The following DIAPH3 variants were observed in gnomAD, a reference collection of about 807,000 sequenced individuals.
The protein encoded by DIAPH3 is diaphanous related formin 3.
Under a neutral mutation model 144.3 loss-of-function variants are expected in DIAPH3, and 117 were observed. That is an observed-to-expected ratio of 0.81 (90% CI 0.70 to 0.95). The LOEUF is 0.95. Among genes scored for constraint, DIAPH3 ranks in the 40% least tolerant of loss-of-function variants. DIAPH3 has a pLI of 0.00. For synonymous variants in DIAPH3, 519 were observed against 488.9 expected (o/e 1.06, Z -0.81); for missense variants, 1,421 against 1,412.7 (o/e 1.01, Z -0.09).
At chr13:60,014,178 A>T (rs2053473594) in intron 7 of DIAPH3, among the ~76,000 whole-genome samples, 1 of 152,134 alleles carries the variant, frequency 6.6e-6, no homozygotes, top group African/African-American at 2.4e-5. Flanking sequence ...AAAAGTTCCT[A>T]GATTTTTTCT....
chr13:59,830,597 TTCTC>T (rs1292443267), intron 24 of DIAPH3, among the ~76,000 whole-genome samples: 1 of 151,698 alleles, frequency 6.6e-6, no homozygotes, highest in Non-Finnish European at 1.5e-5. Flanking sequence ...TTCAAACACT[TTCTC>T]TCTCTGCCCA....
rs34356415 is a variant in DIAPH3 at position 60,119,746 on chromosome 13, CAAAAAA to C, written c.214-7566_214-7561del. ...TGGGCGACAGAGCGAGACTCCGTCT[CAAAAAA>C]AAAAAAAAAAAAAAAAAAAGAAATG... On this transcript the variant is annotated intron_variant, in intron 2 of 27. Coordinates refer to ENST00000400324, the MANE Select transcript of DIAPH3 (RefSeq NM_001042517.2). Among the ~76,000 whole-genome samples, 63 of 49,542 alleles carry C rather than the reference CAAAAAA, an allele frequency of 1.3e-3. No individual in the cohort carries two copies. In the East Asian group the frequency reaches 0.015, roughly 12 times the overall value. The allele number at this position is 49,542 out of a possible 152,430, so 32.5% of individuals were successfully genotyped here.
Position 59,983,849 on chromosome 13 carries a change from T to C in DIAPH3, c.1400A>G (p.Gln467Arg). 6.2e-7 allele frequency: 1 copy of C among 1,609,656 alleles called. No individual in the cohort carries two copies. The highest frequency in any genetic ancestry group is 8.5e-7 in the Non-Finnish European group (1 of 1,176,898). The change falls in exon 13 of 28, where the codon CAG (glutamine) becomes CGG (arginine). Residue 467 changes from glutamine to arginine, a missense_variant. Gln to Arg is a conservative substitution (Grantham distance 43, BLOSUM62 1). Transcript: ENST00000400324. ...YFKLIDECVS[Q>R]IVLHRDGMDP... ...CATTCCATCTCTATGCAATACAATCTGGGATACACACTCATCAATTAATTT... is the reference window on the plus strand; with the variant it reads ...CATTCCATCTCTATGCAATACAATCCGGGATACACACTCATCAATTAATTT...
intron 18 of DIAPH3, among the ~76,000 whole-genome samples, chr13:59,923,495 G>T (rs2047611705): frequency 6.6e-6 from 1 of 152,096 alleles, no homozygotes; most frequent in African/African-American, 2.4e-5. Context: ...TTCTCATGAA[G>T]ACCATATGTT....
intron 27 of DIAPH3, among the ~76,000 whole-genome samples, chr13:59,669,919 T>C (rs781124343): frequency 6.6e-6 from 1 of 152,232 alleles, no homozygotes; most frequent in African/African-American, 2.4e-5. Flanking sequence ...AGGTCGCTAA[T>C]GAACATGCAT....
intron 27 of DIAPH3, among the ~76,000 whole-genome samples, chr13:59,761,829 T>C (rs938283315): frequency 2.0e-5 from 3 of 151,946 alleles, no homozygotes; most frequent in Non-Finnish European, 4.4e-5. Context: ...GTACAACCAG[T>C]GTATTTTAGG....
At chr13:60,000,893 C>T (rs1179709848) in intron 9 of DIAPH3, among the ~76,000 whole-genome samples, 2 of 152,178 alleles carry the variant, frequency 1.3e-5, no homozygotes, top group African/African-American at 2.4e-5. Context: ...ATTCAATCTA[C>T]ATCCAAGATA....
chr13:59,677,542 AG>A (rs1321281276), intron 27 of DIAPH3, among the ~76,000 whole-genome samples: 4 of 152,144 alleles, frequency 2.6e-5, no homozygotes, highest in African/African-American at 7.2e-5. Context: ...TTTTGTACTA[AG>A]CCTTCAAAAT....
At chr13:60,021,666 CAAA>C (rs55896515) in intron 5 of DIAPH3, among the ~76,000 whole-genome samples, 3 of 81,406 alleles carry the variant, frequency 3.7e-5, no homozygotes, top group African/African-American at 4.5e-5. Context: ...GGCTCTGTCT[CAAA>C]AAAAAAAAAA....
chr13:59,879,142 TA>T (rs1312160945), intron 21 of DIAPH3, 86 bp downstream of exon 21: 7 of 1,569,512 alleles, frequency 4.5e-6, no homozygotes, highest in East Asian at 2.3e-5. Context: ...CACATCAAAA[TA>T]AAAAAATATT....
chr13:59,685,821 T>C (rs1007903400), intron 27 of DIAPH3, among the ~76,000 whole-genome samples: 9 of 152,072 alleles, frequency 5.9e-5, no homozygotes, highest in African/African-American at 2.2e-4. Flanking sequence ...GTAGTAACAG[T>C]TGGAGTAAGA....
chr13:59,787,761 A>C (rs983125757), intron 25 of DIAPH3, among the ~76,000 whole-genome samples: 2 of 152,144 alleles, frequency 1.3e-5, no homozygotes, highest in African/African-American at 4.8e-5. Context: ...GTTCCCCCCC[A>C]ACCCCAAATT....
chr13:60,059,371 A>G (rs977705076), intron 4 of DIAPH3, among the ~76,000 whole-genome samples: 2 of 152,002 alleles, frequency 1.3e-5, no homozygotes, highest in African/African-American at 4.8e-5. Context: ...TACTGTATGA[A>G]CGTAATCTTA....
intron 1 of DIAPH3, among the ~76,000 whole-genome samples, chr13:60,137,163 AG>A (rs1256219678): frequency 5.3e-5 from 8 of 152,214 alleles, no homozygotes; most frequent in African/African-American, 1.7e-4. Context: ...GACAGTTCCT[AG>A]GATGAATGGT....
intron 18 of DIAPH3, among the ~76,000 whole-genome samples, chr13:59,917,550 C>G (rs943061917): frequency 2.6e-5 from 4 of 151,958 alleles, no homozygotes; most frequent in African/African-American, 9.7e-5. Flanking sequence ...TGTCTATAAT[C>G]CTTAATATCC....
chr13:59,871,376 T>A (rs2044267846), intron 21 of DIAPH3, among the ~76,000 whole-genome samples: 1 of 152,102 alleles, frequency 6.6e-6, no homozygotes, highest in Non-Finnish European at 1.5e-5. Flanking sequence ...TGCTTCCAGT[T>A]TTAGGGAAAA....
intron 3 of DIAPH3, among the ~76,000 whole-genome samples, chr13:60,107,044 A>G (rs532937066): frequency 1.3e-4 from 20 of 152,264 alleles, no homozygotes; most frequent in African/African-American, 4.6e-4. Flanking sequence ...GGATATTGGT[A>G]CTATTGGTAA....
intron 20 of DIAPH3, among the ~76,000 whole-genome samples, chr13:59,903,855 A>G (rs575364935): frequency 2.1e-4 from 32 of 152,308 alleles, no homozygotes; most frequent in Admixed American, 3.9e-4. Flanking sequence ...TGTATATGTT[A>G]TGTGGCACTA....
chr13:59,846,589 T>C (rs1280528017), intron 22 of DIAPH3, among the ~76,000 whole-genome samples: 1 of 151,984 alleles, frequency 6.6e-6, no homozygotes, highest in Non-Finnish European at 1.5e-5. Flanking sequence ...ATGGACAAGG[T>C]GGTCCAAAAC....
Sources: gnomAD v4.1 joint callset for allele counts (sites outside exome capture counted in the v4.1 genomes callset) on GRCh38, gnomAD v4.1.1 for gene constraint, MANE v1.5 for transcripts, NCBI Gene and HGNC (gene_info 2026-07-23, HGNC 2026-07-21) for gene names.